CABIN1: variants seen among roughly 807,000 people sequenced by gnomAD.
CABIN1 encodes the protein calcineurin binding protein 1, also known as calcineurin-binding protein cabin-1.
Under a neutral mutation model 227.7 loss-of-function variants are expected in CABIN1, and 133 were observed. The ratio of observed to expected loss-of-function variants is 0.58; its 90% CI spans 0.51 to 0.67. The LOEUF (loss-of-function observed/expected upper bound fraction) is 0.67. Among genes scored for constraint, CABIN1 ranks in the 30% least tolerant of loss-of-function variants. The probability of loss-of-function intolerance (pLI) is 0.00; values close to 1 mark genes in which losing one functional copy is unlikely to be tolerated. For missense variants in CABIN1, 2,408 were observed against 2,852.5 expected (o/e 0.84, Z 3.55); for synonymous variants, 1,086 against 1,155.1 (o/e 0.94, Z 1.21).
intron 1 of CABIN1, among the ~76,000 whole-genome samples, chr22:24,025,544 G>T (rs1417346131): frequency 1.3e-5 from 2 of 152,230 alleles, no homozygotes; most frequent in Non-Finnish European, 2.9e-5. Flanking sequence ...ATAGCCGTGA[G>T]TGGTGGGGCC....
chr22:24,012,642 G>A (rs759292111), intron 1 of CABIN1, among the ~76,000 whole-genome samples: 2 of 152,154 alleles, frequency 1.3e-5, no homozygotes, highest in Non-Finnish European at 2.9e-5. Flanking sequence ...TAAGGGGTTT[G>A]GAAACTTATT....
rs773707402 is a variant in CABIN1, at chr22:24,035,481, G to C, written c.-37G>C. The C allele has an allele frequency of 1.9e-6, 3 of 1,614,118 alleles. No individual in the cohort carries two copies. Among genetic ancestry groups the C allele is most frequent in the South Asian group, 2.2e-5 (2 of 91,076 alleles). On this transcript the variant is annotated 5_prime_UTR_variant, in exon 2 of 37. Coordinates refer to ENST00000263119, the MANE Select transcript of CABIN1 (RefSeq NM_012295.4). ...CTGGGGCAACCTTTGCCAGTGATGA[G>C]AAGTGATGCTCGTGGCAGTGCTGAA...
intron 26 of CABIN1, among the ~76,000 whole-genome samples, chr22:24,109,928 G>A (rs942084049): frequency 6.6e-6 from 1 of 152,156 alleles, no homozygotes; most frequent in Non-Finnish European, 1.5e-5. Context: ...CCAGCACTTC[G>A]GGAGGCTGAG....
chr22:24,053,134 G>A (rs1203218734), intron 8 of CABIN1, among the ~76,000 whole-genome samples: 2 of 144,608 alleles, frequency 1.4e-5, no homozygotes, highest in African/African-American at 5.2e-5. Context: ...CTGAAGTGCA[G>A]TGGCACAATC....
In CABIN1 at chr22:24,171,694, CTCT is replaced by C. The variant is rs778447604; in HGVS notation, c.5758-17_5758-15del. The C allele has an allele frequency of 1.5e-5, 24 of 1,613,762 alleles. No homozygotes were observed. Among genetic ancestry groups the C allele is most frequent in the Non-Finnish European group, 1.9e-5 (23 of 1,179,982 alleles). ...GGGCTGCCTAGCCAGCCTTTCTCAC[CTCT>C]TGTTTGTCCTCACAGGCCTCGGGGG... On this transcript the variant is annotated splice_polypyrimidine_tract_variant and intron_variant, in intron 33 of 36. Transcript: ENST00000263119.
chr22:24,132,172 G>A (rs532708487), intron 28 of CABIN1, among the ~76,000 whole-genome samples: 1 of 152,140 alleles, frequency 6.6e-6, no homozygotes, highest in Non-Finnish European at 1.5e-5. Context: ...GATCTCCTTT[G>A]GGAAATACTT....
chr22:24,015,047 T>A (rs2035142697), intron 1 of CABIN1, among the ~76,000 whole-genome samples: 1 of 152,012 alleles, frequency 6.6e-6, no homozygotes, highest in African/African-American at 2.4e-5. Flanking sequence ...GCAGATTGCC[T>A]GAGGTCAGGA....
intron 30 of CABIN1, among the ~76,000 whole-genome samples, chr22:24,165,036 T>G (rs2148671992): frequency 6.6e-6 from 1 of 152,258 alleles, no homozygotes. Flanking sequence ...ACAGCTGCCA[T>G]TTACAGGGGG....
chr22:24,042,770 TGCC>T, intron 5 of CABIN1, 131 bp from the exon 6 acceptor site: 1 of 798,404 alleles, frequency 1.3e-6, no homozygotes, highest in Non-Finnish European at 2.1e-6. Flanking sequence ...GCTGTGCCAG[TGCC>T]GTGCTCCTCC....
intron 28 of CABIN1, among the ~76,000 whole-genome samples, chr22:24,131,776 A>G (rs2044087163): frequency 6.6e-6 from 1 of 152,154 alleles, no homozygotes; most frequent in Non-Finnish European, 1.5e-5. Flanking sequence ...TTAGAAGTGC[A>G]GGTGATGGAC....
At chr22:24,161,397 A>G (rs966345931) in intron 29 of CABIN1, among the ~76,000 whole-genome samples, 1 of 152,180 alleles carries the variant, frequency 6.6e-6, no homozygotes, top group Non-Finnish European at 1.5e-5. Context: ...CAAGTGGGGC[A>G]AATCTGAAGA....
At chr22:24,154,803 A>C (rs1163965426) in intron 29 of CABIN1, among the ~76,000 whole-genome samples, 2 of 152,140 alleles carry the variant, frequency 1.3e-5, no homozygotes, top group African/African-American at 4.8e-5. Flanking sequence ...GGTACCTGGA[A>C]GGGGCACAGA....
At chr22:24,017,556 G>A (rs1232369781) in intron 1 of CABIN1, among the ~76,000 whole-genome samples, 1 of 152,114 alleles carries the variant, frequency 6.6e-6, no homozygotes, top group Non-Finnish European at 1.5e-5. Flanking sequence ...CTGTAGGTAC[G>A]TTATATACAT....
At chr22:24,097,216 C>CT (rs1569210045) in intron 25 of CABIN1, among the ~76,000 whole-genome samples, 1 of 152,146 alleles carries the variant, frequency 6.6e-6, no homozygotes, top group Admixed American at 6.5e-5. Flanking sequence ...TACATGAATA[C>CT]TTTCTTGTTA....
rs371354243 is a variant in CABIN1, at chr22:24,147,516, C to G, written c.4746+13101C>G. ...GCTGAAGTGCAGTGGCTTGCGTGAT[C>G]ACAGCTCACTAAATCTCGACCTCCC... On this transcript the variant is annotated intron_variant, in intron 29 of 36. Transcript: ENST00000263119. Among the ~76,000 whole-genome samples the G allele has an allele frequency of 5.0e-4, 75 of 150,380 alleles. 1 individual carries two copies. The East Asian group carries it at 0.013, about 25-fold the overall frequency.
intron 34 of CABIN1, among the ~76,000 whole-genome samples, chr22:24,172,378 A>G (rs1405586318): frequency 6.6e-6 from 1 of 152,218 alleles, no homozygotes; most frequent in African/African-American, 2.4e-5. Flanking sequence ...GGCCTCCCTC[A>G]GGGCACTGGG....
intron 4 of CABIN1, among the ~76,000 whole-genome samples, chr22:24,039,506 A>G (rs5760186): frequency 0.051 from 7,792 of 152,244 alleles, 280 homozygotes; most frequent in South Asian, 0.11. Flanking sequence ...TCCTGTTAGT[A>G]GGAAGTGGGT....
intron 18 of CABIN1, among the ~76,000 whole-genome samples, chr22:24,074,418 C>T (rs2040301589): frequency 6.6e-6 from 1 of 152,128 alleles, no homozygotes; most frequent in Non-Finnish European, 1.5e-5. Context: ...TGTCCCTCAG[C>T]AGGAGAACTG....
At chr22:24,102,248 T>G (rs1218924297) in intron 26 of CABIN1, 1 of 152,254 alleles carries the variant, frequency 6.6e-6, no homozygotes, top group Non-Finnish European at 1.5e-5. Flanking sequence ...ACAGAATGGC[T>G]TGGTTCGTCA....
Sources: gnomAD v4.1 joint callset for allele counts (sites outside exome capture counted in the v4.1 genomes callset) on GRCh38, gnomAD v4.1.1 for gene constraint, MANE v1.5 for transcripts, NCBI Gene and HGNC (gene_info 2026-07-23, HGNC 2026-07-21) for gene names.